TMEM184B: variants seen among roughly 807,000 people sequenced by gnomAD.
The protein encoded by TMEM184B is transmembrane protein 184B.
Under a neutral mutation model 41.8 loss-of-function variants are expected in TMEM184B, and 17 were observed. That is an observed-to-expected ratio of 0.41 (90% CI 0.28 to 0.61). The LOEUF is 0.61. Among genes scored for constraint, TMEM184B ranks in the 20% least tolerant of loss-of-function variants. The probability of loss-of-function intolerance (pLI) is 0.34; values close to 1 mark genes in which losing one functional copy is unlikely to be tolerated. For synonymous variants in TMEM184B, 240 were observed against 229.5 expected, an observed-to-expected ratio of 1.05 and a Z score of -0.41; for missense variants, 393 against 557.8, an observed-to-expected ratio of 0.70 and a Z score of 2.98.
chr22:38,241,753 G>A (rs1405358759), intron 3 of TMEM184B, among the ~76,000 whole-genome samples: 4 of 150,878 alleles, frequency 2.7e-5, no homozygotes, highest in East Asian at 1.9e-4. Context: ...GTGTGGTGGC[G>A]GGCGCCTGTA....
downstream of TMEM184B, chr22:38,216,511 ATG>A (rs1569001634): frequency 6.0e-6 from 1 of 166,616 alleles, no homozygotes; most frequent in East Asian, 1.9e-4. Flanking sequence ...CAGAGAATAA[ATG>A]TGTATCCTGG....
intron 3 of TMEM184B, among the ~76,000 whole-genome samples, chr22:38,238,064 T>C (rs935903131): frequency 2.0e-5 from 3 of 151,870 alleles, no homozygotes; most frequent in African/African-American, 7.3e-5. Flanking sequence ...CCTCCCAAAG[T>C]GCTGGGATTA....
In TMEM184B at chr22:38,219,581, G is replaced by A. The variant is rs2091203395; in HGVS notation, c.*1888C>T. The A allele has an allele frequency of 1.0e-6, 1 of 985,020 alleles. No individual in the cohort carries two copies. The highest frequency in any genetic ancestry group is 1.8e-5 in the African/African-American group (1 of 57,110). 61.0% of individuals were successfully genotyped at this position (985,020 alleles called of 1,614,324 possible). On this transcript the variant is annotated 3_prime_UTR_variant, in exon 9 of 9. Transcript: ENST00000361906. The stretch of plus-strand genomic sequence containing the variant: ...GCATCCTAAGGAGGAGGAGGGGATG[G>A]AGCGGTCGGGCACATGTTCCCGTCC...
intron 1 of TMEM184B, among the ~76,000 whole-genome samples, chr22:38,266,096 C>T (rs1194132290): frequency 3.3e-5 from 5 of 152,170 alleles, no homozygotes; most frequent in Non-Finnish European, 5.9e-5. Context: ...CAGTAACTTC[C>T]GGAGGTCTCA....
At chr22:38,231,152 TG>T in intron 4 of TMEM184B, 91 bp downstream of exon 4, 1 of 1,093,942 alleles carries the variant, frequency 9.1e-7, no homozygotes, top group Non-Finnish European at 1.4e-6. Context: ...CGGGCAGACA[TG>T]GTCTGTGTCC....
intron 1 of TMEM184B, among the ~76,000 whole-genome samples, chr22:38,270,618 C>T (rs548073396): frequency 6.6e-6 from 1 of 152,278 alleles, no homozygotes; most frequent in South Asian, 2.1e-4. Flanking sequence ...GCTTACTACC[C>T]GGGGCTGCAG....
intron 1 of TMEM184B, among the ~76,000 whole-genome samples, chr22:38,258,769 G>A (rs1021262359): frequency 6.6e-6 from 1 of 152,134 alleles, no homozygotes; most frequent in Non-Finnish European, 1.5e-5. Context: ...CATCAATTCA[G>A]GTCAGATTTT....
chr22:38,262,078 A>G (rs1357721282), intron 1 of TMEM184B, among the ~76,000 whole-genome samples: 1 of 152,256 alleles, frequency 6.6e-6, no homozygotes, highest in African/African-American at 2.4e-5. Flanking sequence ...CCTACGCAGC[A>G]GAGAAAAAAA....
chr22:38,272,131 T>A (rs1247587576), intron 1 of TMEM184B, among the ~76,000 whole-genome samples: 2 of 152,184 alleles, frequency 1.3e-5, no homozygotes. Context: ...ACGTCTGGCC[T>A]TATACAACAC....
chr22:38,255,063 G>A (rs890539993), intron 1 of TMEM184B, among the ~76,000 whole-genome samples: 8 of 151,282 alleles, frequency 5.3e-5, no homozygotes, highest in Non-Finnish European at 1.2e-4. Context: ...TCACTCTGTC[G>A]CCCCAGGCTG....
chr22:38,267,087 A>C (rs1454174182), intron 1 of TMEM184B, among the ~76,000 whole-genome samples: 2 of 151,878 alleles, frequency 1.3e-5, no homozygotes, highest in Non-Finnish European at 2.9e-5. Context: ...CTGTCTCAAA[A>C]AAAAAAAAAA....
chr22:38,247,802 C>A lies in TMEM184B; in HGVS notation c.160G>T (p.Val54Leu), dbSNP rs768457381. ...TAAQAISGFF[V>L]WTALLITCHQ... The stretch of plus-strand genomic sequence containing the variant: ...CATGTGATGAGCAGGGCCGTCCACA[C>A]GAAGAAGCCAGAGATGGCCTGAGCG... The change falls in exon 2 of 9, where the codon GTG becomes TTG. Residue 54 changes from valine (V) to leucine (L), a missense_variant. Physicochemically the swap from Val to Leu is conservative, Grantham distance 32. Coordinates refer to ENST00000361906, the MANE Select transcript of TMEM184B (RefSeq NM_012264.5). The A allele has an allele frequency of 2.5e-6, 4 of 1,613,790 alleles. No homozygotes were observed. The African/African-American group carries it at 5.3e-5, about 22-fold the overall frequency.
intron 1 of TMEM184B, among the ~76,000 whole-genome samples, chr22:38,270,212 C>T (rs2092502029): frequency 6.6e-6 from 1 of 152,196 alleles, no homozygotes. Context: ...TGGAGCACCC[C>T]TCGTCCTTCA....
chr22:38,248,270 G>C (rs966855313), intron 1 of TMEM184B, among the ~76,000 whole-genome samples: 3 of 152,102 alleles, frequency 2.0e-5, no homozygotes, highest in African/African-American at 7.2e-5. Flanking sequence ...GCCAGACCAG[G>C]CCGCCACTGC....
intron 4 of TMEM184B, 101 bp downstream of exon 4, chr22:38,231,143 G>A (rs544725151): frequency 1.6e-5 from 16 of 1,029,524 alleles, no homozygotes; most frequent in South Asian, 7.6e-5. Flanking sequence ...TCAAGGTCAC[G>A]GGCAGACATG....
At chr22:38,246,912 TC>T (rs898897734) in intron 2 of TMEM184B, 1 of 1,287,952 alleles carries the variant, frequency 7.8e-7, no homozygotes, top group African/African-American at 1.5e-5. Flanking sequence ...CAAAATATTC[TC>T]CATCTGCTAT....
chr22:38,268,520 T>C (rs553226596), intron 1 of TMEM184B, among the ~76,000 whole-genome samples: 2 of 152,104 alleles, frequency 1.3e-5, no homozygotes, highest in African/African-American at 4.8e-5. Context: ...CCTTCAATTC[T>C]TCTCTCTGTG....
chr22:38,230,805 T>C (rs2091594660), intron 4 of TMEM184B, 61 bp from the exon 5 acceptor site: 1 of 1,539,262 alleles, frequency 6.5e-7, no homozygotes, highest in Non-Finnish European at 8.9e-7. Context: ...TTGGGAACAG[T>C]GGGGTGGGGA....
chr22:38,230,663 A>T lies in TMEM184B; in HGVS notation c.525+6T>A. 1.9e-6 allele frequency: 3 copies of T among 1,608,762 alleles called. No homozygotes were observed. Among genetic ancestry groups the T allele is most frequent in the Non-Finnish European group, 2.5e-6 (3 of 1,177,800 alleles). ...CCTGAGCTAGGCAGCTGCTGGGGGC[A>T]CACACCTGTTTGCAGAACCTCAGAA... On this transcript the variant is annotated splice_donor_region_variant and intron_variant, in intron 5 of 8. Coordinates refer to ENST00000361906, the MANE Select transcript of TMEM184B (RefSeq NM_012264.5).
Sources: gnomAD v4.1 joint callset for allele counts (sites outside exome capture counted in the v4.1 genomes callset) on GRCh38, gnomAD v4.1.1 for gene constraint, MANE v1.5 for transcripts, NCBI Gene and HGNC (gene_info 2026-07-23, HGNC 2026-07-21) for gene names.